Variants in CDH23 observed in about 807,000 individuals in gnomAD.
CDH23 encodes the protein cadherin-23.
Under a neutral mutation model 317.1 loss-of-function variants are expected in CDH23, and 189 were observed. The ratio of observed to expected loss-of-function variants is 0.60; its 90% CI spans 0.53 to 0.67. CDH23 has a LOEUF of 0.67. Ranked by LOEUF, CDH23 falls within the 30% of genes least tolerant of loss-of-function variation. The probability of loss-of-function intolerance (pLI) is 0.00; values close to 1 mark genes in which losing one functional copy is unlikely to be tolerated. For synonymous variants in CDH23, 1,839 were observed against 1,876.8 expected, an observed-to-expected ratio of 0.98 and a Z score of 0.52; for missense variants, 4,401 against 4,592.4, an observed-to-expected ratio of 0.96 and a Z score of 1.20.
intron 6 of CDH23, 161 bp downstream of exon 6, chr10:71,511,373 C>T (rs912909067): frequency 8.6e-6 from 6 of 701,294 alleles, no homozygotes; most frequent in Non-Finnish European, 2.5e-6. Context: ...CATGCTGGTA[C>T]CCTGGGAATC....
intron 3 of CDH23, among the ~76,000 whole-genome samples, chr10:71,475,891 A>G (rs1851771109): frequency 6.6e-6 from 1 of 152,158 alleles, no homozygotes. Context: ...GCCTGGGGTT[A>G]TCTCTGGCTC....
chr10:71,577,029 T>C (rs1858256600), intron 8 of CDH23, among the ~76,000 whole-genome samples: 1 of 152,216 alleles, frequency 6.6e-6, no homozygotes, highest in African/African-American at 2.4e-5. Context: ...CTCCTACTCA[T>C]GCTTCATGAC....
chr10:71,810,458 C>T lies in CDH23; in HGVS notation c.8980-14C>T, dbSNP rs45522532. ...CTGTGGTGGCCACACCCTACAATAC[C>T]CCTTCTCATCTAGTTCCATGTGGAC... On this transcript the variant is annotated splice_polypyrimidine_tract_variant and intron_variant, in intron 61 of 69. Coordinates refer to ENST00000224721, the MANE Select transcript of CDH23 (RefSeq NM_022124.6). 3 of 1,613,172 alleles carry T rather than the reference C, an allele frequency of 1.9e-6. No individual in the cohort carries two copies. The highest frequency in any genetic ancestry group is 1.7e-6 in the Non-Finnish European group (2 of 1,179,166).
At chr10:71,705,821 TC>T in intron 25 of CDH23, among the ~76,000 whole-genome samples, 1 of 152,054 alleles carries the variant, frequency 6.6e-6, no homozygotes, top group South Asian at 2.1e-4. Context: ...CATGGCCTGT[TC>T]CCTGAGCCTG....
At position 71,570,889 on chromosome 10, in the gene CDH23, A is replaced by T; in HGVS notation, c.724A>T (p.Ser242Cys). 6.2e-7 allele frequency: 1 copy of T among 1,614,028 alleles called. No individual in the cohort carries two copies. The highest frequency in any genetic ancestry group is 8.5e-7 in the Non-Finnish European group (1 of 1,179,872). ...CCCCATCTTCATCAACCTGCCTTACAGCACCAACATCTACGAGCATTCTCC... is the reference window on the plus strand; with the variant it reads ...CCCCATCTTCATCAACCTGCCTTACTGCACCAACATCTACGAGCATTCTCC... ...MDPIFINLPYSTNIYEHSPPG... is the reference protein window; with the variant it reads ...MDPIFINLPYCTNIYEHSPPG... The change falls in exon 8 of 70, where the codon AGC (serine) becomes TGC (cysteine). Residue 242 changes from serine to cysteine, a missense_variant. By Grantham distance (112) the Ser-to-Cys change is moderately radical. Around this residue, in one of 3 missense-constraint regions of CDH23, gnomAD observed 3,068 missense variants for 3,203.3 expected, o/e 0.96. Coordinates refer to ENST00000224721, the MANE Select transcript of CDH23 (RefSeq NM_022124.6).
chr10:71,655,166 C>T (rs1242050823), intron 14 of CDH23, among the ~76,000 whole-genome samples: 1 of 152,138 alleles, frequency 6.6e-6, no homozygotes, highest in East Asian at 1.9e-4. Flanking sequence ...CTGGGACGAG[C>T]TCTCCGTGAC....
chr10:71,541,312 C>T (rs529519716), intron 6 of CDH23, among the ~76,000 whole-genome samples: 20 of 152,330 alleles, frequency 1.3e-4, no homozygotes, highest in African/African-American at 2.4e-4. Context: ...TCCTGGCCCC[C>T]GCAACAGCCA....
At position 71,570,875 on chromosome 10, in the gene CDH23, T is replaced by C; in HGVS notation, c.710T>C (p.Ile237Thr). The change falls in exon 8 of 70, where the codon ATC (isoleucine) becomes ACC (threonine). Residue 237 changes from isoleucine (I) to threonine (T), a missense_variant. Physicochemically the swap from Ile to Thr is moderately conservative, Grantham distance 89. Around this residue, in one of 3 missense-constraint regions of CDH23, gnomAD observed 3,068 missense variants for 3,203.3 expected, o/e 0.96. Coordinates refer to ENST00000224721, the MANE Select transcript of CDH23 (RefSeq NM_022124.6). ...GTCCAGGACATGGACCCCATCTTCA[T>C]CAACCTGCCTTACAGCACCAACATC... ...TDVQDMDPIF[I>T]NLPYSTNIYE... is the part of the protein sequence containing the mutation. 6.2e-7 allele frequency: 1 copy of C among 1,614,016 alleles called. No individual in the cohort carries two copies. Among genetic ancestry groups the C allele is most frequent in the Non-Finnish European group, 8.5e-7 (1 of 1,179,876 alleles).
Position 71,791,293 on chromosome 10 carries a change from C to T in CDH23, c.6211C>T (p.Pro2071Ser), listed in dbSNP as rs1284213488. 1.9e-6 allele frequency: 3 copies of T among 1,613,902 alleles called. No individual in the cohort carries two copies. Among genetic ancestry groups the T allele is most frequent in the Middle Eastern group, 1.6e-4 (1 of 6,062 alleles). ...CAATGACAACCGGCCCACCTTTAGC[C>T]CTGCCACCCTCACTGTCCATCTGCT... The part of the protein sequence containing the change: ...DDNDNRPTFS[P>S]ATLTVHLLEN... The change falls in exon 47 of 70, where the codon CCT (proline) becomes TCT (serine). Residue 2071 changes from proline (P) to serine (S), a missense_variant. Pro to Ser is a moderately conservative substitution (Grantham distance 74). Coordinates refer to ENST00000224721, the MANE Select transcript of CDH23 (RefSeq NM_022124.6).
chr10:71,494,783 A>G (rs1157320350), intron 3 of CDH23, among the ~76,000 whole-genome samples: 3 of 152,136 alleles, frequency 2.0e-5, no homozygotes, highest in Non-Finnish European at 4.4e-5. Context: ...CACCCTGTCT[A>G]GCTGGGTCCT....
chr10:71,655,920 C>G (rs1863397145), intron 14 of CDH23, among the ~76,000 whole-genome samples: 1 of 152,116 alleles, frequency 6.6e-6, no homozygotes, highest in African/African-American at 2.4e-5. Context: ...GCCAGGCTCC[C>G]CCAACATCCC....
At chr10:71,512,483 T>C (rs1284637260) in intron 6 of CDH23, among the ~76,000 whole-genome samples, 1 of 152,166 alleles carries the variant, frequency 6.6e-6, no homozygotes. Flanking sequence ...CTCCCTAATT[T>C]AATTAAGGGT....
Position 71,489,723 on chromosome 10 carries a change from T to A in CDH23, c.146-20359T>A, listed in dbSNP as rs1297906553. The stretch of plus-strand genomic sequence containing the variant: ...AAGGTCAGAGTTCCTCCAGAGGGAA[T>A]TTGTATTTGTTTTTCTTAAGCACTT... On this transcript the variant is annotated intron_variant, in intron 3 of 69. Coordinates refer to ENST00000224721, the MANE Select transcript of CDH23 (RefSeq NM_022124.6). Among the ~76,000 whole-genome samples, 3 of 152,028 alleles carry A rather than the reference T, an allele frequency of 2.0e-5. No homozygotes were observed. The East Asian group carries it at 5.8e-4, about 29-fold the overall frequency.
chr10:71,500,136 A>G (rs937170423), intron 3 of CDH23, among the ~76,000 whole-genome samples: 1 of 152,204 alleles, frequency 6.6e-6, no homozygotes, highest in African/African-American at 2.4e-5. Flanking sequence ...TGTTCTCAAC[A>G]CAAAGAAATG....
chr10:71,802,887 C>T lies in CDH23; in HGVS notation c.7483-11C>T, dbSNP rs2132977240. On this transcript the variant is annotated splice_polypyrimidine_tract_variant and intron_variant, in intron 53 of 69. Transcript: ENST00000224721. ...GCTCCTTACCTTTGGCCTTGACCTC[C>T]ATCCACCCAGGTGGTGATCCAAGTG... 6.8e-6 allele frequency: 11 copies of T among 1,613,938 alleles called. No homozygotes were observed. Among genetic ancestry groups the T allele is most frequent in the Non-Finnish European group, 9.3e-6 (11 of 1,179,838 alleles).
At position 71,811,757 on chromosome 10, in the gene CDH23, A is replaced by G; in HGVS notation, c.9319+4A>G. Reference sequence around the variant, plus strand: ...GCCATTGTGGCTGGCTCAGCTGGTAAGTGAGGGCCATAGTGGGGACACAGG... The same window carrying G: ...GCCATTGTGGCTGGCTCAGCTGGTAGGTGAGGGCCATAGTGGGGACACAGG... On this transcript the variant is annotated splice_donor_region_variant and intron_variant, in intron 65 of 69. Coordinates refer to ENST00000224721, the MANE Select transcript of CDH23 (RefSeq NM_022124.6). The G allele has an allele frequency of 6.4e-7, 1 of 1,571,138 alleles. No homozygotes were observed. Among genetic ancestry groups the G allele is most frequent in the South Asian group, 1.2e-5 (1 of 86,814 alleles).
intron 6 of CDH23, among the ~76,000 whole-genome samples, chr10:71,512,704 C>T (rs1854065710): frequency 6.6e-6 from 1 of 152,222 alleles, no homozygotes; most frequent in African/African-American, 2.4e-5. Flanking sequence ...CCAGCCTTTT[C>T]CTCTCTCCTG....
intron 11 of CDH23, among the ~76,000 whole-genome samples, chr10:71,618,822 T>C (rs923366569): frequency 2.4e-4 from 37 of 151,760 alleles, no homozygotes; most frequent in African/African-American, 8.2e-4. Flanking sequence ...CCTGTGTGTG[T>C]GCTCAAGTGT....
chr10:71,506,751 G>T (rs1315528071), intron 3 of CDH23, among the ~76,000 whole-genome samples: 1 of 152,156 alleles, frequency 6.6e-6, no homozygotes, highest in Admixed American at 6.5e-5. Flanking sequence ...AGGGCGTCTT[G>T]TCTTAAATAT....
Sources: allele counts gnomAD v4.1 joint callset (sites outside exome capture counted in the v4.1 genomes callset), GRCh38; gene constraint gnomAD v4.1.1; regional missense constraint gnomAD v4.1.1; transcripts MANE v1.5; gene names NCBI Gene and HGNC (gene_info 2026-07-23, HGNC 2026-07-21).